Variants in WBP1L observed in about 807,000 individuals in gnomAD.
WBP1L encodes WW domain binding protein 1 like.
A neutral mutation model predicts 33.7 loss-of-function variants in WBP1L; 17 were observed. The ratio of observed to expected loss-of-function variants is 0.50; its 90% CI spans 0.34 to 0.76. The LOEUF (loss-of-function observed/expected upper bound fraction) is 0.76, where lower values mean the gene tolerates loss of function less well. Ranked by LOEUF, WBP1L falls within the 30% of genes least tolerant of loss-of-function variation. The pLI, the probability that WBP1L is intolerant of heterozygous loss-of-function variation, is 0.01. For synonymous variants in WBP1L, 173 were observed against 190.8 expected, an observed-to-expected ratio of 0.91 and a Z score of 0.77; for missense variants, 389 against 469.4, an observed-to-expected ratio of 0.83 and a Z score of 1.58.
rs111848471 is a variant in WBP1L at position 102,778,704 on chromosome 10, C to T, written c.91-19289C>T. Among the ~76,000 whole-genome samples, 720 of 152,284 alleles carry T rather than the reference C, an allele frequency of 4.7e-3. 10 individuals carry two copies. The highest frequency in any genetic ancestry group is 0.017 in the African/African-American group (700 of 41,548). On this transcript the variant is annotated intron_variant, in intron 1 of 3. Coordinates refer to ENST00000448841, the MANE Select transcript of WBP1L (RefSeq NM_001083913.2). ...TATATTTCTAGTATTTTCTGTCAGACAGTGTAACTATGTTCTTTATTGGAG... is the reference window on the plus strand; with the variant it reads ...TATATTTCTAGTATTTTCTGTCAGATAGTGTAACTATGTTCTTTATTGGAG...
At chr10:102,785,063 A>C (rs1205573409) in intron 1 of WBP1L, among the ~76,000 whole-genome samples, 2 of 150,902 alleles carry the variant, frequency 1.3e-5, no homozygotes, top group Non-Finnish European at 2.9e-5. Flanking sequence ...TTGTAGAGAC[A>C]GGGTTTCACC....
At chr10:102,791,710 A>G (rs1344993205) in intron 1 of WBP1L, among the ~76,000 whole-genome samples, 2 of 152,234 alleles carry the variant, frequency 1.3e-5, no homozygotes, top group Non-Finnish European at 2.9e-5. Flanking sequence ...ATTCATATCC[A>G]GCAGCCAAGA....
intron 1 of WBP1L, among the ~76,000 whole-genome samples, chr10:102,772,048 C>T (rs1300909079): frequency 2.8e-5 from 4 of 142,984 alleles, no homozygotes; most frequent in African/African-American, 1.0e-4. Context: ...GCAAGCTCTG[C>T]CTCCCGGGTT....
At position 102,805,920 on chromosome 10, in the gene WBP1L, G is replaced by C. The variant is rs140793766; in HGVS notation, c.194-3973G>C. Among the ~76,000 whole-genome samples, 52 of 151,378 alleles carry C rather than the reference G, an allele frequency of 3.4e-4. 1 individual carries two copies. In the East Asian group the frequency reaches 7.9e-3, roughly 23 times the overall value. The stretch of plus-strand genomic sequence containing the variant: ...CTTAAAAATAAGTTAAAAAAAATTG[G>C]CCTGGCACGGTGGCTCACACCTGTA... On this transcript the variant is annotated intron_variant, in intron 2 of 3. Transcript: ENST00000448841.
chr10:102,792,875 G>A (rs891403207), intron 1 of WBP1L, among the ~76,000 whole-genome samples: 1 of 152,056 alleles, frequency 6.6e-6, no homozygotes, highest in Admixed American at 6.6e-5. Context: ...AATTACAGAC[G>A]TGAGCCACCG....
Position 102,763,622 on chromosome 10 carries a change from A to G in WBP1L, c.90+19479A>G, listed in dbSNP as rs571292528. 2.0e-4 allele frequency among the ~76,000 whole-genome samples: 31 copies of G among 152,256 alleles called. No individual in the cohort carries two copies. The South Asian group carries it at 5.6e-3, about 28-fold the overall frequency. Reference sequence around the variant, plus strand: ...GCATTCTTCACTGGAGTCCCATGGGAAGACCTCTGTCCCTTCAGCCAGAAA... The same window carrying G: ...GCATTCTTCACTGGAGTCCCATGGGGAGACCTCTGTCCCTTCAGCCAGAAA... On this transcript the variant is annotated intron_variant, in intron 1 of 3. Transcript: ENST00000448841.
chr10:102,798,233 A>C (rs1843601418), intron 2 of WBP1L, 138 bp downstream of exon 2: 1 of 675,094 alleles, frequency 1.5e-6, no homozygotes, highest in African/African-American at 1.8e-5. Flanking sequence ...TATGGGTTCC[A>C]GAAGTGCTTC....
chr10:102,777,640 C>G (rs567712454), intron 1 of WBP1L, among the ~76,000 whole-genome samples: 25 of 132,220 alleles, frequency 1.9e-4, no homozygotes, highest in African/African-American at 7.1e-4. Flanking sequence ...CGTTAGCTCA[C>G]TGCAACTTCT....
At chr10:102,809,653 C>T (rs545465106) in intron 2 of WBP1L, among the ~76,000 whole-genome samples, 10 of 152,366 alleles carry the variant, frequency 6.6e-5, no homozygotes, top group Admixed American at 2.0e-4. Context: ...TGAGCCACCA[C>T]GCCCGGCCTG....
At chr10:102,754,739 A>G (rs774747297) in intron 1 of WBP1L, among the ~76,000 whole-genome samples, 2 of 147,930 alleles carry the variant, frequency 1.4e-5, no homozygotes, top group African/African-American at 2.5e-5. Context: ...GGGTCTCGCT[A>G]TGCTGCCCAG....
In WBP1L at chr10:102,743,991, A is replaced by T; in HGVS notation, c.-63A>T. 8.4e-7 allele frequency: 1 copy of T among 1,186,466 alleles called. No homozygotes were observed. The highest frequency in any genetic ancestry group is 1.2e-6 in the Non-Finnish European group (1 of 822,870). 73.5% of individuals were successfully genotyped at this position (1,186,466 alleles called of 1,614,324 possible). A position where few individuals can be genotyped will look rare whatever the true frequency, so the allele number is the denominator to read the frequency against. Reference sequence around the variant, plus strand: ...GGAAGAAGGAAGAAGAGGGTAGAGGAGGAGAGGGAGGAGGAGGAGGGAGGT... The same window carrying T: ...GGAAGAAGGAAGAAGAGGGTAGAGGTGGAGAGGGAGGAGGAGGAGGGAGGT... On this transcript the variant is annotated 5_prime_UTR_variant, in exon 1 of 4. Coordinates refer to ENST00000448841, the MANE Select transcript of WBP1L (RefSeq NM_001083913.2).
At chr10:102,782,633 C>T (rs906069592) in intron 1 of WBP1L, among the ~76,000 whole-genome samples, 1 of 152,100 alleles carries the variant, frequency 6.6e-6, no homozygotes, top group African/African-American at 2.4e-5. Context: ...AATGGACCTG[C>T]CTGAGCCATT....
intron 1 of WBP1L, among the ~76,000 whole-genome samples, chr10:102,747,358 C>CAAA (rs71019610): frequency 1.8e-3 from 143 of 78,756 alleles, no homozygotes; most frequent in South Asian, 2.2e-3. Context: ...GACTCCGTCT[C>CAAA]AAAAAAAAAA....
Position 102,798,573 on chromosome 10 carries a change from C to T in WBP1L, c.193+478C>T, listed in dbSNP as rs578102488. On this transcript the variant is annotated intron_variant, in intron 2 of 3. Transcript: ENST00000448841. ...CTGAGTAGCTGGTACTACAGGTGTG[C>T]ACCACCATGCCCAACTAATTTTTGT... Among the ~76,000 whole-genome samples, 5 of 152,270 alleles carry T rather than the reference C, an allele frequency of 3.3e-5. No individual in the cohort carries two copies. In the East Asian group the frequency reaches 9.7e-4, roughly 29 times the overall value.
chr10:102,806,368 C>A (rs777248150), intron 2 of WBP1L, among the ~76,000 whole-genome samples: 1 of 152,090 alleles, frequency 6.6e-6, no homozygotes, highest in South Asian at 2.1e-4. Flanking sequence ...CCGAAATACA[C>A]ATGCAGCCAG....
At position 102,798,010 on chromosome 10, in the gene WBP1L, G is replaced by A. The variant is rs1351254098; in HGVS notation, c.108G>A (p.Val36=). Residue 36 remains valine, a synonymous_variant, in exon 2 of 4, where the codon GTG becomes GTA. Coordinates refer to ENST00000448841, the MANE Select transcript of WBP1L (RefSeq NM_001083913.2). ...TTTTTTAGGATAAGGAAGCCTGTGT[G>A]GGTACCAACAATCAAAGCTACATCT... is the stretch of plus-strand genomic sequence containing the variant. ...AEPPQDKEAC[V]GTNNQSYICD... 3.7e-6 allele frequency: 6 copies of A among 1,613,978 alleles called. No homozygotes were observed. The highest frequency in any genetic ancestry group is 5.1e-6 in the Non-Finnish European group (6 of 1,179,978).
Position 102,774,000 on chromosome 10 carries a change from G to A in WBP1L, c.91-23993G>A, listed in dbSNP as rs182121800. Among the ~76,000 whole-genome samples, 151 of 152,320 alleles carry A rather than the reference G, an allele frequency of 9.9e-4. 1 individual carries two copies. Among genetic ancestry groups the A allele is most frequent in the African/African-American group, 3.3e-3 (137 of 41,566 alleles). ...GGCACACTGTAGGCATTCAGTGAGC[G>A]TGGAGTGAGTGAATGAATGGTACAC... On this transcript the variant is annotated intron_variant, in intron 1 of 3. Coordinates refer to ENST00000448841, the MANE Select transcript of WBP1L (RefSeq NM_001083913.2).
intron 1 of WBP1L, chr10:102,776,417 G>C (rs746621128): frequency 6.2e-7 from 1 of 1,614,214 alleles, no homozygotes; most frequent in Non-Finnish European, 8.5e-7. Flanking sequence ...GTCTTAGACA[G>C]GTAATTGTTT....
intron 1 of WBP1L, among the ~76,000 whole-genome samples, chr10:102,775,168 T>C (rs1172564276): frequency 6.6e-6 from 1 of 150,622 alleles, no homozygotes; most frequent in Non-Finnish European, 1.5e-5. Context: ...AAAGCTCCTC[T>C]GAAGATTGTT....
Sources: allele counts gnomAD v4.1 joint callset (sites outside exome capture counted in the v4.1 genomes callset), GRCh38; gene constraint gnomAD v4.1.1; transcripts MANE v1.5; gene names NCBI Gene and HGNC (gene_info 2026-07-23, HGNC 2026-07-21).